USP38: variants seen among roughly 807,000 people sequenced by gnomAD.
USP38 encodes ubiquitin carboxyl-terminal hydrolase 38.
In USP38, 49 loss-of-function variants were observed where a neutral mutation model predicts 94.3. The ratio of observed to expected loss-of-function variants is 0.52; its 90% CI spans 0.41 to 0.66. The LOEUF (loss-of-function observed/expected upper bound fraction) is 0.66, where lower values mean the gene tolerates loss of function less well. Among genes scored for constraint, USP38 ranks in the 30% least tolerant of loss-of-function variants. The pLI is 0.00. For synonymous variants in USP38, 468 were observed against 463.6 expected (o/e 1.01, Z -0.12); for missense variants, 1,128 against 1,229.4 (o/e 0.92, Z 1.23).
rs1732305424 is a variant in USP38, at chr4:143,220,774, G to C, written c.*318G>C. ...GAAGCATTTAAATGGTCTATCTTCA[G>C]TTTTACTGAACAAAAAATGTAATTT... On this transcript the variant is annotated 3_prime_UTR_variant, in exon 10 of 10. Coordinates refer to ENST00000307017, the MANE Select transcript of USP38 (RefSeq NM_032557.6). The C allele has an allele frequency of 1.1e-5, 2 of 179,584 alleles. No individual in the cohort carries two copies. The highest frequency in any genetic ancestry group is 6.2e-5 in the Admixed American group (1 of 16,128). The allele number at this position is 179,584 out of a possible 1,614,324, so 11.1% of individuals were successfully genotyped here. A position where few individuals can be genotyped will look rare whatever the true frequency, so the allele number is the denominator to read the frequency against.
At chr4:143,206,812 G>C (rs578130518) in intron 6 of USP38, among the ~76,000 whole-genome samples, 3 of 152,276 alleles carry the variant, frequency 2.0e-5, no homozygotes, top group African/African-American at 7.2e-5. Flanking sequence ...TATCCTGTGA[G>C]ACTGTAATTT....
intron 3 of USP38, among the ~76,000 whole-genome samples, chr4:143,197,038 A>G (rs1011770610): frequency 1.3e-5 from 2 of 152,090 alleles, no homozygotes; most frequent in Non-Finnish European, 2.9e-5. Flanking sequence ...GGTCCCCTGT[A>G]CTTATCACAC....
At chr4:143,188,388 T>G (rs1731293654) in intron 2 of USP38, among the ~76,000 whole-genome samples, 1 of 152,104 alleles carries the variant, frequency 6.6e-6, no homozygotes, top group Non-Finnish European at 1.5e-5. Flanking sequence ...TGAATTTTTT[T>G]TCTTTCTCAG....
At chr4:143,204,414 C>G in intron 5 of USP38, 1 of 433,968 alleles carries the variant, frequency 2.3e-6, no homozygotes, top group Non-Finnish European at 4.6e-6. Flanking sequence ...TTTTTTTGGA[C>G]AGTCTTGCTC....
chr4:143,201,639 A>G (rs944931163), intron 4 of USP38, among the ~76,000 whole-genome samples: 1 of 152,148 alleles, frequency 6.6e-6, no homozygotes, highest in Non-Finnish European at 1.5e-5. Flanking sequence ...TGATGTTAGA[A>G]TATGTGGTGT....
At position 143,208,526 on chromosome 4, in the gene USP38, A is replaced by G. The variant is rs187328390; in HGVS notation, c.1404-1038A>G. 3.0e-3 allele frequency among the ~76,000 whole-genome samples: 456 copies of G among 152,210 alleles called. 1 individual carries two copies. Among genetic ancestry groups the G allele is most frequent in the African/African-American group, 0.01 (423 of 41,570 alleles). On this transcript the variant is annotated intron_variant, in intron 6 of 9. Coordinates refer to ENST00000307017, the MANE Select transcript of USP38 (RefSeq NM_032557.6). The stretch of plus-strand genomic sequence containing the variant: ...AATCAGCCTTTTTAATTTTTTGCCA[A>G]TATGAAGAAAAATGTCTCTTAATTT...
At chr4:143,199,859 T>C (rs1039038755) in intron 4 of USP38, among the ~76,000 whole-genome samples, 1 of 152,234 alleles carries the variant, frequency 6.6e-6, no homozygotes. Flanking sequence ...AAGTTCCTTA[T>C]AGAGGCTGGA....
At chr4:143,218,340 T>C (rs950504946) in intron 9 of USP38, among the ~76,000 whole-genome samples, 1 of 152,116 alleles carries the variant, frequency 6.6e-6, no homozygotes, top group Non-Finnish European at 1.5e-5. Context: ...CTACTGAAAT[T>C]AGAATTAACT....
At chr4:143,212,028 G>A (rs938957171) in intron 7 of USP38, among the ~76,000 whole-genome samples, 1 of 152,084 alleles carries the variant, frequency 6.6e-6, no homozygotes, top group Non-Finnish European at 1.5e-5. Context: ...AGTTAGACAT[G>A]GGTTCTACTT....
intron 2 of USP38, among the ~76,000 whole-genome samples, chr4:143,194,638 G>C (rs111340187): frequency 1.3e-5 from 2 of 152,176 alleles, no homozygotes; most frequent in Non-Finnish European, 2.9e-5. Context: ...CTCCCGAGTA[G>C]CTGGGATTAC....
intron 4 of USP38, among the ~76,000 whole-genome samples, chr4:143,199,869 A>G (rs191547870): frequency 7.2e-4 from 110 of 152,238 alleles, no homozygotes; most frequent in African/African-American, 2.6e-3. Context: ...TAGAGGCTGG[A>G]TATTAGACCT....
intron 3 of USP38, among the ~76,000 whole-genome samples, chr4:143,196,514 G>A (rs1278650609): frequency 5.3e-5 from 8 of 152,016 alleles, no homozygotes; most frequent in Non-Finnish European, 8.8e-5. Flanking sequence ...TGGCACAGTC[G>A]ATCACTCCCT....
chr4:143,198,050 T>G (rs1446083632), intron 4 of USP38, 126 bp downstream of exon 4: 6 of 577,758 alleles, frequency 1.0e-5, no homozygotes, highest in Non-Finnish European at 1.7e-5. Flanking sequence ...TCATATAGCT[T>G]TATGATTTCC....
In USP38 at chr4:143,190,784, T is replaced by C. The variant is rs188764752; in HGVS notation, c.818+2823T>C. 7.3e-4 allele frequency among the ~76,000 whole-genome samples: 111 copies of C among 152,218 alleles called. No homozygotes were observed. In the East Asian group the frequency reaches 0.017, roughly 23 times the overall value. On this transcript the variant is annotated intron_variant, in intron 2 of 9. Transcript: ENST00000307017. Reference sequence around the variant, plus strand: ...AGTTGGTCTTTTTGCTAGCAGTGACTTACTTTTCTTATGTCAACCATGTGG... The same window carrying C: ...AGTTGGTCTTTTTGCTAGCAGTGACCTACTTTTCTTATGTCAACCATGTGG...
Position 143,222,639 on chromosome 4 carries a change from A to G in USP38, c.*2183A>G, listed in dbSNP as rs1732353427. On this transcript the variant is annotated 3_prime_UTR_variant, in exon 10 of 10. Coordinates refer to ENST00000307017, the MANE Select transcript of USP38 (RefSeq NM_032557.6). ...GAAGAGTATTCAAATGATAACTCAT[A>G]CCAGTACCAAAAACTTGAAGACTTC... 1 of 152,112 alleles carries G rather than the reference A, an allele frequency of 6.6e-6. No homozygotes were observed. The highest frequency in any genetic ancestry group is 2.4e-5 in the African/African-American group (1 of 41,442). The allele number at this position is 152,112 out of a possible 1,614,324, so 9.4% of individuals were successfully genotyped here. A position where few individuals can be genotyped will look rare whatever the true frequency, so the allele number is the denominator to read the frequency against.
chr4:143,215,480 A>C (rs1049841705), intron 9 of USP38: 1 of 152,308 alleles, frequency 6.6e-6, no homozygotes. Context: ...GAATGGTTTT[A>C]TATGAGATAA....
intron 2 of USP38, among the ~76,000 whole-genome samples, chr4:143,191,139 A>C (rs994222103): frequency 6.6e-6 from 1 of 151,976 alleles, no homozygotes; most frequent in Admixed American, 6.6e-5. Context: ...TTTACCATCC[A>C]CCTCCCACTT....
At chr4:143,218,369 T>C (rs2149614209) in intron 9 of USP38, among the ~76,000 whole-genome samples, 1 of 152,214 alleles carries the variant, frequency 6.6e-6, no homozygotes, top group African/African-American at 2.4e-5. Flanking sequence ...TGATATAAAT[T>C]TGTGATATAA....
At chr4:143,205,568 G>A (rs1731836455) in intron 5 of USP38, among the ~76,000 whole-genome samples, 1 of 151,790 alleles carries the variant, frequency 6.6e-6, no homozygotes, top group Non-Finnish European at 1.5e-5. Flanking sequence ...TATTTCTAAG[G>A]GTTAATACTG....
Sources: allele counts gnomAD v4.1 joint callset (sites outside exome capture counted in the v4.1 genomes callset), GRCh38; gene constraint gnomAD v4.1.1; transcripts MANE v1.5; gene names NCBI Gene and HGNC (gene_info 2026-07-23, HGNC 2026-07-21).